Variants in ADAMTSL1 observed in about 807,000 individuals in gnomAD.
The protein encoded by ADAMTSL1 is ADAMTS like 1.
In ADAMTSL1, 126 loss-of-function variants were observed where a neutral mutation model predicts 201.8. That is an observed-to-expected ratio of 0.62 (90% confidence interval 0.54 to 0.72). The LOEUF is 0.72. Among genes scored for constraint, ADAMTSL1 ranks in the 30% least tolerant of loss-of-function variants. The pLI is 0.00. For synonymous variants in ADAMTSL1, 1,121 were observed against 903.4 expected, an observed-to-expected ratio of 1.24 and a Z score of -4.32; for missense variants, 2,679 against 2,277.8, an observed-to-expected ratio of 1.18 and a Z score of -3.59.
chr9:18,016,198 A>G (rs1344480421), intron 1 of ADAMTSL1, among the ~76,000 whole-genome samples: 3 of 152,074 alleles, frequency 2.0e-5, no homozygotes, highest in Middle Eastern at 3.2e-3. Context: ...TAGTGAAAAC[A>G]GAAACACAAT....
intron 3 of ADAMTSL1, among the ~76,000 whole-genome samples, chr9:18,569,909 A>G (rs1251512819): frequency 6.6e-6 from 1 of 152,174 alleles, no homozygotes; most frequent in Admixed American, 6.6e-5. Flanking sequence ...TACATTCTAC[A>G]TTCAGTATTC....
intron 2 of ADAMTSL1, among the ~76,000 whole-genome samples, chr9:18,410,363 A>T (rs778052190): frequency 1.3e-5 from 2 of 151,954 alleles, no homozygotes; most frequent in African/African-American, 2.4e-5. Context: ...CTCTCCCCTG[A>T]TGCTCTCCCA....
chr9:18,305,500 G>C (rs1430033402), intron 2 of ADAMTSL1, among the ~76,000 whole-genome samples: 1 of 152,196 alleles, frequency 6.6e-6, no homozygotes, highest in Non-Finnish European at 1.5e-5. Flanking sequence ...AGTCTATCTG[G>C]GATGCTCAAG....
At chr9:18,099,343 A>C (rs1399624656) in intron 1 of ADAMTSL1, among the ~76,000 whole-genome samples, 1 of 52,304 alleles carries the variant, frequency 1.9e-5, no homozygotes, top group Non-Finnish European at 4.1e-5. Context: ...ATATATATAT[A>C]TATATATATA....
chr9:18,868,465 C>T (rs762350928), intron 23 of ADAMTSL1, among the ~76,000 whole-genome samples: 8 of 152,148 alleles, frequency 5.3e-5, no homozygotes, highest in Non-Finnish European at 1.0e-4. Flanking sequence ...TTAAGTTATT[C>T]AAAGTTAAAT....
At chr9:18,307,554 C>CT (rs1833956851) in intron 2 of ADAMTSL1, among the ~76,000 whole-genome samples, 1 of 151,914 alleles carries the variant, frequency 6.6e-6, no homozygotes, top group Admixed American at 6.6e-5. Flanking sequence ...CCTATTCTCT[C>CT]ATAAAACAGA....
rs185732434 is a variant in ADAMTSL1 at position 18,020,703 on chromosome 9, G to A, written c.87+113781G>A. 2.2e-3 allele frequency among the ~76,000 whole-genome samples: 333 copies of A among 152,184 alleles called. 1 individual carries two copies. Among genetic ancestry groups the A allele is most frequent in the Non-Finnish European group, 2.6e-3 (177 of 67,982 alleles). ...AAGATGAGATTTGGATGGAGACACAGAGTCAAACCATATCACCCGGGTTCC... is the reference window on the plus strand; with the variant it reads ...AAGATGAGATTTGGATGGAGACACAAAGTCAAACCATATCACCCGGGTTCC... On this transcript the variant is annotated intron_variant, in intron 1 of 29. Transcript: ENST00000680146.
intron 2 of ADAMTSL1, among the ~76,000 whole-genome samples, chr9:18,269,291 C>T (rs1257731229): frequency 6.6e-6 from 1 of 151,976 alleles, no homozygotes; most frequent in Non-Finnish European, 1.5e-5. Flanking sequence ...TTTGAATTGC[C>T]CACAGAGCTT....
intron 2 of ADAMTSL1, among the ~76,000 whole-genome samples, chr9:18,180,147 C>T (rs1458453641): frequency 6.6e-6 from 1 of 152,106 alleles, no homozygotes; most frequent in African/African-American, 2.4e-5. Context: ...CGTGCAGAGA[C>T]ACACATAGGC....
chr9:18,605,273 C>T (rs1564084001), intron 4 of ADAMTSL1, among the ~76,000 whole-genome samples: 1 of 152,166 alleles, frequency 6.6e-6, no homozygotes. Flanking sequence ...GATTTATGAT[C>T]GCCAGTACAT....
Position 18,419,692 on chromosome 9 carries a change from T to C in ADAMTSL1, c.208-85137T>C, listed in dbSNP as rs1818851646. 2.0e-5 allele frequency among the ~76,000 whole-genome samples: 3 copies of C among 151,390 alleles called. No individual in the cohort carries two copies. In the South Asian group the frequency reaches 6.2e-4, roughly 31 times the overall value. On this transcript the variant is annotated intron_variant, in intron 2 of 29. Coordinates refer to the ADAMTSL1 transcript ENST00000680146. ...AAGTATGCTGAGTGAAAGAAGTCAATGTCAAAAAATTGCACACTGTATAAT... is the reference window on the plus strand; with the variant it reads ...AAGTATGCTGAGTGAAAGAAGTCAACGTCAAAAAATTGCACACTGTATAAT...
At chr9:18,016,263 C>G (rs182140299) in intron 1 of ADAMTSL1, among the ~76,000 whole-genome samples, 6 of 152,014 alleles carry the variant, frequency 3.9e-5, no homozygotes, top group Non-Finnish European at 5.9e-5. Flanking sequence ...GTACCCAGCT[C>G]CTAGCTGTCC....
chr9:18,633,918 T>A (rs1171776506), intron 5 of ADAMTSL1, among the ~76,000 whole-genome samples: 3 of 151,574 alleles, frequency 2.0e-5, no homozygotes, highest in African/African-American at 4.8e-5. Flanking sequence ...AAAAAAAAAA[T>A]AGTTTTTCAA....
rs1210881434 is a variant in ADAMTSL1, at chr9:18,688,106, A to ATATG, written c.1574+3318_1574+3321dup. On this transcript the variant is annotated intron_variant, in intron 13 of 28. Transcript: ENST00000380548. ...GGTAGGAATATTGTGATGAATACAT[A>ATATG]TATGTATGTATGTATATATATATAT... Among the ~76,000 whole-genome samples, 9 of 117,866 alleles carry ATATG rather than the reference A, an allele frequency of 7.6e-5. No homozygotes were observed. In the East Asian group the frequency reaches 8.8e-4, roughly 12 times the overall value. 77.3% of individuals were successfully genotyped at this position (117,866 alleles called of 152,430 possible). A position where few individuals can be genotyped will look rare whatever the true frequency, so the allele number is the denominator to read the frequency against.
At chr9:18,062,946 T>A (rs1297244188) in intron 1 of ADAMTSL1, among the ~76,000 whole-genome samples, 1 of 152,230 alleles carries the variant, frequency 6.6e-6, no homozygotes, top group Non-Finnish European at 1.5e-5. Context: ...GAAACTATTT[T>A]GCATGGCACA....
At chr9:18,074,032 T>C (rs1323761416) in intron 1 of ADAMTSL1, among the ~76,000 whole-genome samples, 2 of 152,164 alleles carry the variant, frequency 1.3e-5, no homozygotes, top group African/African-American at 4.8e-5. Flanking sequence ...TAGGCTTGTT[T>C]ATTCAGTGAA....
chr9:18,210,486 A>AAT lies in ADAMTSL1; in HGVS notation c.207+46512_207+46513dup, dbSNP rs1348173464. On this transcript the variant is annotated intron_variant, in intron 2 of 29. Coordinates refer to the ADAMTSL1 transcript ENST00000680146. ...ATTAATTATATATGATATATAAATA[A>AAT]ATATATATTAATTATATATGATATA... Among the ~76,000 whole-genome samples the AAT allele has an allele frequency of 9.8e-4, 145 of 147,352 alleles. 1 individual carries two copies. The highest frequency in any genetic ancestry group is 3.3e-3 in the African/African-American group (133 of 40,720).
chr9:18,082,514 G>A (rs1413074885), intron 1 of ADAMTSL1, among the ~76,000 whole-genome samples: 1 of 152,162 alleles, frequency 6.6e-6, no homozygotes, highest in Admixed American at 6.5e-5. Flanking sequence ...GTTTCACCAT[G>A]TTGGCAGGTT....
intron 2 of ADAMTSL1, among the ~76,000 whole-genome samples, chr9:18,270,449 C>G (rs531504632): frequency 2.0e-5 from 3 of 152,248 alleles, no homozygotes; most frequent in South Asian, 2.1e-4. Flanking sequence ...ATCTTTGTAT[C>G]CTTACCTAAA....
Sources: gnomAD v4.1 joint callset for allele counts (sites outside exome capture counted in the v4.1 genomes callset) on GRCh38, gnomAD v4.1.1 for gene constraint, MANE v1.5 for transcripts, NCBI Gene and HGNC (gene_info 2026-07-23, HGNC 2026-07-21) for gene names.